The following RARB variants were observed in gnomAD, a reference collection of about 807,000 sequenced individuals.
The protein encoded by RARB is retinoic acid receptor beta, also known as HBV-activated protein.
In RARB, 17 loss-of-function variants were observed where a neutral mutation model predicts 51.9. The ratio of observed to expected loss-of-function variants is 0.33; its 90% confidence interval spans 0.22 to 0.49. The LOEUF (loss-of-function observed/expected upper bound fraction) is 0.49, where lower values mean the gene tolerates loss of function less well. Among genes scored for constraint, RARB ranks in the 20% least tolerant of loss-of-function variants. The pLI, the probability that RARB is intolerant of heterozygous loss-of-function variation, is 0.99. For synonymous variants in RARB, 215 were observed against 195.4 expected (o/e 1.10, Z -0.84); for missense variants, 369 against 550.8 (o/e 0.67, Z 3.30).
intron 5 of RARB, among the ~76,000 whole-genome samples, chr3:25,231,158 A>G (rs1702166753): frequency 3.9e-5 from 6 of 152,204 alleles, no homozygotes; most frequent in Admixed American, 3.9e-4. Context: ...ACACATTGCT[A>G]TTAACATTTT....
chr3:25,006,919 A>C (rs12629250), intron 2 of RARB, among the ~76,000 whole-genome samples: 33,700 of 152,154 alleles, frequency 0.22, 4,675 homozygotes, highest in Admixed American at 0.36. Context: ...GCAGAAGGTC[A>C]GTGACTAAAT....
At chr3:25,371,392 T>C (rs1003737826) in intron 5 of RARB, among the ~76,000 whole-genome samples, 1 of 152,194 alleles carries the variant, frequency 6.6e-6, no homozygotes, top group Non-Finnish European at 1.5e-5. Context: ...AGAAATAGTA[T>C]AATCAGATTT....
intron 5 of RARB, among the ~76,000 whole-genome samples, chr3:25,373,095 G>T (rs969724976): frequency 1.3e-5 from 2 of 152,180 alleles, no homozygotes; most frequent in Non-Finnish European, 2.9e-5. Flanking sequence ...GGAAGCGTTT[G>T]TCTGTAATAT....
At chr3:25,044,825 T>C (rs147575303) in intron 2 of RARB, among the ~76,000 whole-genome samples, 1 of 152,296 alleles carries the variant, frequency 6.6e-6, no homozygotes, top group African/African-American at 2.4e-5. Context: ...CAACTGACTA[T>C]AGAAGGCCAG....
chr3:24,979,293 G>C (rs868313147), intron 2 of RARB, among the ~76,000 whole-genome samples: 1 of 152,178 alleles, frequency 6.6e-6, no homozygotes, highest in Admixed American at 6.6e-5. Flanking sequence ...CTGAGGTCAA[G>C]TCCTGGATAT....
At chr3:25,392,293 C>CT (rs1706987202) in intron 5 of RARB, among the ~76,000 whole-genome samples, 1 of 152,040 alleles carries the variant, frequency 6.6e-6, no homozygotes, top group African/African-American at 2.4e-5. Flanking sequence ...TGACCATAGC[C>CT]TTATAGTATT....
chr3:25,233,379 A>G (rs1418228040), intron 5 of RARB, among the ~76,000 whole-genome samples: 1 of 152,064 alleles, frequency 6.6e-6, no homozygotes, highest in Non-Finnish European at 1.5e-5. Flanking sequence ...TTATGTGTTG[A>G]CCTTACGTCC....
Position 25,290,311 on chromosome 3 carries a change from G to T in RARB, c.178+115736G>T, listed in dbSNP as rs193132569. ...ATGAGAAGACAAGATTAGGACACAG[G>T]CATGAACTGGGGGAAGACCATGTAA... On this transcript the variant is annotated intron_variant, in intron 5 of 11. Transcript: ENST00000383772. Among the ~76,000 whole-genome samples the T allele has an allele frequency of 3.9e-5, 6 of 152,226 alleles. No individual in the cohort carries two copies. The East Asian group carries it at 9.7e-4, about 25-fold the overall frequency.
intron 3 of RARB, among the ~76,000 whole-genome samples, chr3:25,502,846 A>G (rs1697386236): frequency 6.6e-6 from 1 of 152,236 alleles, no homozygotes; most frequent in Non-Finnish European, 1.5e-5. Context: ...AAAAGTGGAA[A>G]GACAGAAATC....
intron 5 of RARB, among the ~76,000 whole-genome samples, chr3:25,230,344 C>G (rs1270415468): frequency 6.6e-6 from 1 of 152,012 alleles, no homozygotes; most frequent in Non-Finnish European, 1.5e-5. Context: ...TCAAGCTGTT[C>G]TTTCCCCCAT....
At chr3:24,951,695 C>A (rs866023572) in intron 2 of RARB, among the ~76,000 whole-genome samples, 2 of 152,158 alleles carry the variant, frequency 1.3e-5, no homozygotes, top group Non-Finnish European at 2.9e-5. Flanking sequence ...GAATAAAAAT[C>A]ATTTAGTTGA....
At chr3:25,361,417 A>T (rs1414200973) in intron 5 of RARB, among the ~76,000 whole-genome samples, 1 of 152,112 alleles carries the variant, frequency 6.6e-6, no homozygotes, top group African/African-American at 2.4e-5. Flanking sequence ...CTTGCATTGG[A>T]TTAGAACATG....
intron 4 of RARB, among the ~76,000 whole-genome samples, chr3:25,167,499 A>T (rs1397866730): frequency 6.6e-6 from 1 of 152,212 alleles, no homozygotes; most frequent in Non-Finnish European, 1.5e-5. Flanking sequence ...ATGCAAGGAG[A>T]TACTAGCAGT....
intron 1 of RARB, among the ~76,000 whole-genome samples, chr3:25,453,268 A>C (rs1362451301): frequency 1.5e-5 from 1 of 65,196 alleles, no homozygotes; most frequent in Non-Finnish European, 2.8e-5. Context: ...TTTTTTTTTG[A>C]GACAGTTTCG....
intron 2 of RARB, among the ~76,000 whole-genome samples, chr3:24,866,848 A>G (rs1702857873): frequency 6.6e-6 from 1 of 152,136 alleles, no homozygotes; most frequent in South Asian, 2.1e-4. Context: ...AGCCTCCCCA[A>G]GGATTTGGAA....
At chr3:25,267,420 T>A (rs895056559) in intron 5 of RARB, among the ~76,000 whole-genome samples, 1 of 152,178 alleles carries the variant, frequency 6.6e-6, no homozygotes, top group Non-Finnish European at 1.5e-5. Flanking sequence ...TCACCTCACA[T>A]TACCGCTGCC....
At chr3:25,360,300 T>A (rs969087718) in intron 5 of RARB, among the ~76,000 whole-genome samples, 9 of 152,028 alleles carry the variant, frequency 5.9e-5, no homozygotes, top group Admixed American at 1.3e-4. Flanking sequence ...ATTGCAACAC[T>A]TGCTTTTTTT....
chr3:24,881,421 T>C (rs758436437), intron 2 of RARB, among the ~76,000 whole-genome samples: 3 of 152,114 alleles, frequency 2.0e-5, no homozygotes, highest in Non-Finnish European at 2.9e-5. Flanking sequence ...TGAGAAAGAA[T>C]AGAGAAATTT....
chr3:25,304,250 C>T (rs529476476), intron 5 of RARB, among the ~76,000 whole-genome samples: 3 of 152,146 alleles, frequency 2.0e-5, no homozygotes, highest in Non-Finnish European at 2.9e-5. Flanking sequence ...TCTAAGAAGG[C>T]TTCTTTATTC....
Sources: allele counts gnomAD v4.1 joint callset (sites outside exome capture counted in the v4.1 genomes callset), GRCh38; gene constraint gnomAD v4.1.1; transcripts MANE v1.5; gene names NCBI Gene and HGNC (gene_info 2026-07-23, HGNC 2026-07-21).